GABRB2: variants seen among roughly 807,000 people sequenced by gnomAD.
GABRB2 encodes gamma-aminobutyric acid type A receptor subunit beta2.
In GABRB2, 16 loss-of-function variants were observed where a neutral mutation model predicts 54.7. The ratio of observed to expected loss-of-function variants is 0.29; its 90% CI spans 0.20 to 0.44. The LOEUF (loss-of-function observed/expected upper bound fraction) is 0.44, where lower values mean the gene tolerates loss of function less well. Among genes scored for constraint, GABRB2 ranks in the 20% least tolerant of loss-of-function variants. The pLI, the probability that GABRB2 is intolerant of heterozygous loss-of-function variation, is 1.00. For synonymous variants in GABRB2, 244 were observed against 233.8 expected, an observed-to-expected ratio of 1.04 and a Z score of -0.40; for missense variants, 355 against 644.0, an observed-to-expected ratio of 0.55 and a Z score of 4.86.
chr5:161,454,048 A>AAAAAAAAAT (rs1461423375), intron 4 of GABRB2, among the ~76,000 whole-genome samples: 1 of 150,564 alleles, frequency 6.6e-6, no homozygotes. Context: ...AAAAAAAAAA[A>AAAAAAAAAT]GCACTATTCA....
rs941212215 is a variant in GABRB2 at position 161,434,294 on chromosome 5, C to G, written c.459-23237G>C. Among the ~76,000 whole-genome samples the G allele has an allele frequency of 3.9e-5, 6 of 152,120 alleles. No individual in the cohort carries two copies. In the South Asian group the frequency reaches 8.3e-4, roughly 21 times the overall value. ...AAATGCTATTTATTTGTAGTCAAGA[C>G]CTAAGAACTCAAAAATTCTAAATTG... On this transcript the variant is annotated intron_variant, in intron 4 of 9. Transcript: ENST00000393959.
chr5:161,467,476 T>A (rs1300294907), intron 3 of GABRB2, among the ~76,000 whole-genome samples: 1 of 152,106 alleles, frequency 6.6e-6, no homozygotes, highest in Non-Finnish European at 1.5e-5. Flanking sequence ...AGAGCAAGTG[T>A]TATTTAATTT....
rs1274118573 is a variant in GABRB2 at position 161,292,461 on chromosome 5, T to G, written c.*1620A>C. ...CTTATATTGATAGAAGGAAGACATATTAGCTTATTCTCCTCTTGTCCAACA... is the reference window on the plus strand; with the variant it reads ...CTTATATTGATAGAAGGAAGACATAGTAGCTTATTCTCCTCTTGTCCAACA... On this transcript the variant is annotated 3_prime_UTR_variant, in exon 10 of 10. Transcript: ENST00000393959. The G allele has an allele frequency of 6.6e-6, 1 of 152,172 alleles. No individual in the cohort carries two copies. Among genetic ancestry groups the G allele is most frequent in the East Asian group, 1.9e-4 (1 of 5,200 alleles). 9.4% of individuals were successfully genotyped at this position (152,172 alleles called of 1,614,324 possible).
At chr5:161,302,638 G>C (rs1232287134) in intron 9 of GABRB2, among the ~76,000 whole-genome samples, 1 of 152,178 alleles carries the variant, frequency 6.6e-6, no homozygotes, top group African/African-American at 2.4e-5. Context: ...CAGTTACTGT[G>C]ACTTGTGTGT....
chr5:161,426,464 A>T (rs2113160593), intron 4 of GABRB2, among the ~76,000 whole-genome samples: 1 of 152,234 alleles, frequency 6.6e-6, no homozygotes, highest in South Asian at 2.1e-4. Flanking sequence ...ACAGATTAAA[A>T]CAAAAATCAT....
intron 9 of GABRB2, among the ~76,000 whole-genome samples, chr5:161,322,873 TTTA>T: frequency 6.6e-6 from 1 of 152,226 alleles, no homozygotes; most frequent in South Asian, 2.1e-4. Flanking sequence ...TCGCTTCTTG[TTTA>T]TTATTTTATT....
intron 4 of GABRB2, among the ~76,000 whole-genome samples, chr5:161,457,361 G>A (rs923074452): frequency 3.3e-5 from 5 of 151,804 alleles, no homozygotes; most frequent in Admixed American, 6.6e-5. Context: ...ATAACTTGTC[G>A]TCATTTTTGT....
Position 161,330,573 on chromosome 5 carries a change from A to C in GABRB2, c.1077+310T>G, listed in dbSNP as rs187193848. On this transcript the variant is annotated intron_variant, in intron 8 of 9. Transcript: ENST00000393959. ...CAACATTAAATTTCCTTTTTAAATA[A>C]ATTAGGTGAATAAATTTAAAGAATG... 280 of 216,666 alleles carry C rather than the reference A, an allele frequency of 1.3e-3. 1 individual carries two copies. Among genetic ancestry groups the C allele is most frequent in the Middle Eastern group, 0.012 (7 of 580 alleles). 13.4% of individuals were successfully genotyped at this position (216,666 alleles called of 1,614,324 possible). A position where few individuals can be genotyped will look rare whatever the true frequency, so the allele number is the denominator to read the frequency against.
intron 4 of GABRB2, among the ~76,000 whole-genome samples, chr5:161,440,824 AG>A (rs2113207957): frequency 6.6e-6 from 1 of 152,318 alleles, no homozygotes; most frequent in South Asian, 2.1e-4. Flanking sequence ...ACACACCTAC[AG>A]TGAACCCATT....
At chr5:161,493,050 T>C (rs1192492233) in intron 3 of GABRB2, among the ~76,000 whole-genome samples, 4 of 151,792 alleles carry the variant, frequency 2.6e-5, no homozygotes, top group Non-Finnish European at 5.9e-5. Context: ...AAAAGAAAGA[T>C]TGTGTTAAGT....
chr5:161,348,770 G>T (rs1447317756), intron 5 of GABRB2, among the ~76,000 whole-genome samples: 1 of 151,938 alleles, frequency 6.6e-6, no homozygotes, highest in Non-Finnish European at 1.5e-5. Context: ...AATAGCTAGG[G>T]ATTTAAAGGT....
intron 4 of GABRB2, among the ~76,000 whole-genome samples, chr5:161,458,818 ATTG>A: frequency 6.6e-6 from 1 of 152,346 alleles, no homozygotes; most frequent in Non-Finnish European, 1.5e-5. Flanking sequence ...AATGAATATT[ATTG>A]TTATTATTAT....
chr5:161,336,805 T>C (rs1388965914), intron 5 of GABRB2, 36 bp from the exon 6 acceptor site: 3 of 1,398,932 alleles, frequency 2.1e-6, no homozygotes, highest in Non-Finnish European at 2.8e-6. Flanking sequence ...CACACACAAA[T>C]ACAGAAAACA....
intron 3 of GABRB2, among the ~76,000 whole-genome samples, chr5:161,494,291 T>G (rs761155224): frequency 1.3e-5 from 2 of 151,848 alleles, no homozygotes; most frequent in Admixed American, 1.3e-4. Flanking sequence ...GTTATTAGAT[T>G]GTAGTATGCT....
intron 3 of GABRB2, among the ~76,000 whole-genome samples, chr5:161,482,700 A>G (rs1416364238): frequency 6.6e-6 from 1 of 152,144 alleles, no homozygotes; most frequent in Non-Finnish European, 1.5e-5. Flanking sequence ...CCTATGGCGT[A>G]CAAGCCCATA....
At chr5:161,356,641 G>A (rs1168665158) in intron 5 of GABRB2, among the ~76,000 whole-genome samples, 1 of 152,160 alleles carries the variant, frequency 6.6e-6, no homozygotes, top group Admixed American at 6.6e-5. Flanking sequence ...GCAACAGAGA[G>A]AACATAGCTG....
intron 5 of GABRB2, among the ~76,000 whole-genome samples, chr5:161,406,752 T>A (rs1364496170): frequency 6.6e-6 from 1 of 152,060 alleles, no homozygotes; most frequent in African/African-American, 2.4e-5. Context: ...ACAATTGGTT[T>A]CTGATGCTGT....
At chr5:161,451,640 C>T (rs1204789238) in intron 4 of GABRB2, among the ~76,000 whole-genome samples, 1 of 152,018 alleles carries the variant, frequency 6.6e-6, no homozygotes, top group African/African-American at 2.4e-5. Context: ...AACCATAAGC[C>T]ATATCCTATA....
At chr5:161,489,577 T>G (rs1391679136) in intron 3 of GABRB2, among the ~76,000 whole-genome samples, 1 of 151,498 alleles carries the variant, frequency 6.6e-6, no homozygotes, top group African/African-American at 2.4e-5. Flanking sequence ...TTCACTAGCT[T>G]AGCATCTCAG....
Sources: gnomAD v4.1 joint callset for allele counts (sites outside exome capture counted in the v4.1 genomes callset) on GRCh38, gnomAD v4.1.1 for gene constraint, MANE v1.5 for transcripts, NCBI Gene and HGNC (gene_info 2026-07-23, HGNC 2026-07-21) for gene names.